SYT17: variants seen among roughly 807,000 people sequenced by gnomAD.
SYT17 encodes synaptotagmin 17.
In SYT17, 22 loss-of-function variants were observed where a neutral mutation model predicts 46.7. The observed-to-expected ratio is 0.47, with a 90% CI of 0.34 to 0.67. The LOEUF (loss-of-function observed/expected upper bound fraction) is 0.67. SYT17 is among the 30% of genes least tolerant of loss of function. The pLI is 0.01. For missense variants in SYT17, 519 were observed against 612.8 expected, an observed-to-expected ratio of 0.85 and a Z score of 1.62; for synonymous variants, 251 against 248.4, an observed-to-expected ratio of 1.01 and a Z score of -0.10.
At chr16:19,204,844 G>A (rs577737826) in intron 5 of SYT17, among the ~76,000 whole-genome samples, 3 of 152,106 alleles carry the variant, frequency 2.0e-5, no homozygotes, top group Non-Finnish European at 2.9e-5. Context: ...GCTGGCTCAC[G>A]TCTCACTCCT....
At chr16:19,180,295 A>C in intron 3 of SYT17, 96 bp from the exon 4 acceptor site, 1 of 1,352,986 alleles carries the variant, frequency 7.4e-7, no homozygotes, top group Non-Finnish European at 1.0e-6. Context: ...AATGAGTCTG[A>C]GAGCGGTTTC....
chr16:19,176,951 T>C (rs1379503951), intron 3 of SYT17, among the ~76,000 whole-genome samples: 1 of 152,196 alleles, frequency 6.6e-6, no homozygotes, highest in African/African-American at 2.4e-5. Flanking sequence ...GGGTCTTGAA[T>C]GCCAGAGTAA....
At chr16:19,265,635 G>A (rs1358491151) in intron 7 of SYT17, among the ~76,000 whole-genome samples, 4 of 152,106 alleles carry the variant, frequency 2.6e-5, no homozygotes, top group South Asian at 2.1e-4. Context: ...GCCTTTGCTC[G>A]GCTCACGCTG....
intron 7 of SYT17, among the ~76,000 whole-genome samples, chr16:19,264,267 C>T (rs899944019): frequency 1.3e-5 from 2 of 152,306 alleles, no homozygotes; most frequent in African/African-American, 4.8e-5. Flanking sequence ...GACATCAACT[C>T]TGCCCTTTTT....
At chr16:19,238,796 G>A (rs975987355) in intron 7 of SYT17, among the ~76,000 whole-genome samples, 5 of 152,278 alleles carry the variant, frequency 3.3e-5, no homozygotes, top group East Asian at 1.9e-4. Flanking sequence ...TTTGTGCCTC[G>A]GTGGTGGCAA....
At chr16:19,205,309 C>T (rs925416804) in intron 5 of SYT17, among the ~76,000 whole-genome samples, 3 of 152,324 alleles carry the variant, frequency 2.0e-5, no homozygotes. Flanking sequence ...ATCTCAGGCA[C>T]ACCTGGAGTG....
intron 5 of SYT17, among the ~76,000 whole-genome samples, chr16:19,193,114 G>T (rs1965092897): frequency 6.6e-6 from 1 of 152,236 alleles, no homozygotes; most frequent in Non-Finnish European, 1.5e-5. Flanking sequence ...GCCACTTAGG[G>T]GTTGGATGTT....
chr16:19,198,130 A>G (rs896746502), intron 5 of SYT17, among the ~76,000 whole-genome samples: 1 of 152,184 alleles, frequency 6.6e-6, no homozygotes, highest in African/African-American at 2.4e-5. Context: ...GAATTTTGCA[A>G]GCTGGTTAAC....
intron 3 of SYT17, among the ~76,000 whole-genome samples, chr16:19,174,296 C>T (rs1366612071): frequency 6.6e-6 from 1 of 152,186 alleles, no homozygotes; most frequent in South Asian, 2.1e-4. Flanking sequence ...TCCACCTCTC[C>T]GTGACTGAGA....
chr16:19,202,429 G>T (rs1003346434), intron 5 of SYT17, among the ~76,000 whole-genome samples: 2 of 152,180 alleles, frequency 1.3e-5, no homozygotes, highest in African/African-American at 4.8e-5. Flanking sequence ...GTGCTTTCAC[G>T]CCCTCAACGG....
chr16:19,248,783 C>T (rs1236225823), intron 7 of SYT17, among the ~76,000 whole-genome samples: 1 of 152,072 alleles, frequency 6.6e-6, no homozygotes, highest in East Asian at 1.9e-4. Flanking sequence ...GATCGCGCCA[C>T]TGGACTCCAG....
At chr16:19,240,622 G>A (rs1266503435) in intron 7 of SYT17, among the ~76,000 whole-genome samples, 2 of 152,076 alleles carry the variant, frequency 1.3e-5, no homozygotes, top group Non-Finnish European at 2.9e-5. Context: ...TCTGGTCCAC[G>A]GGACTGGCGG....
intron 7 of SYT17, among the ~76,000 whole-genome samples, chr16:19,258,678 G>T: frequency 6.6e-6 from 1 of 152,078 alleles, no homozygotes; most frequent in East Asian, 1.9e-4. Context: ...AAACAGGGGA[G>T]ATGGAGGAAT....
intron 5 of SYT17, among the ~76,000 whole-genome samples, chr16:19,215,995 C>A (rs529127656): frequency 8.5e-5 from 13 of 152,236 alleles, no homozygotes; most frequent in African/African-American, 3.1e-4. Flanking sequence ...ATCACGGGAA[C>A]AACATGGGAA....
intron 6 of SYT17, among the ~76,000 whole-genome samples, chr16:19,224,368 G>GA (rs893672669): frequency 7.2e-5 from 11 of 152,258 alleles, no homozygotes; most frequent in African/African-American, 2.6e-4. Context: ...AGATGAATGG[G>GA]AAAATGGATG....
rs190627320 is a variant in SYT17, at chr16:19,174,950, C to A, written c.182+1372C>A. On this transcript the variant is annotated intron_variant, in intron 3 of 7. Coordinates refer to ENST00000355377, the MANE Select transcript of SYT17 (RefSeq NM_016524.4). Reference sequence around the variant, plus strand: ...CTGGGCCACATAGTGAGACCCCCCCCATGCCCCATCTCGACAAAACATCAA... The same window carrying A: ...CTGGGCCACATAGTGAGACCCCCCCAATGCCCCATCTCGACAAAACATCAA... Among the ~76,000 whole-genome samples the A allele has an allele frequency of 1.5e-4, 23 of 152,132 alleles. No individual in the cohort carries two copies. The East Asian group carries it at 2.5e-3, about 17-fold the overall frequency.
intron 5 of SYT17, among the ~76,000 whole-genome samples, chr16:19,185,950 G>A (rs1449152903): frequency 6.6e-6 from 1 of 152,122 alleles, no homozygotes; most frequent in Non-Finnish European, 1.5e-5. Flanking sequence ...GAGTGTTCCC[G>A]TTCACTCCTG....
chr16:19,222,760 G>A (rs951403728), intron 5 of SYT17, among the ~76,000 whole-genome samples: 5 of 152,152 alleles, frequency 3.3e-5, no homozygotes, highest in Admixed American at 6.6e-5. Context: ...CATGTAAAGC[G>A]CTTAGCGTAG....
At chr16:19,214,858 C>T (rs1966033639) in intron 5 of SYT17, among the ~76,000 whole-genome samples, 1 of 151,690 alleles carries the variant, frequency 6.6e-6, no homozygotes, top group Admixed American at 6.6e-5. Flanking sequence ...GGTGCAATCT[C>T]AGCTCACTGA....
Sources: gnomAD v4.1 joint callset for allele counts (sites outside exome capture counted in the v4.1 genomes callset) on GRCh38, gnomAD v4.1.1 for gene constraint, MANE v1.5 for transcripts, NCBI Gene and HGNC (gene_info 2026-07-23, HGNC 2026-07-21) for gene names.